CLEC10A: variants seen among roughly 807,000 people sequenced by gnomAD.
CLEC10A encodes C-type lectin domain family 10 member A.
In CLEC10A, 38 loss-of-function variants were observed where a neutral mutation model predicts 42.0. That is an observed-to-expected ratio of 0.90 (90% CI 0.70 to 1.18). The LOEUF (loss-of-function observed/expected upper bound fraction) is 1.18. CLEC10A is among the 50% of genes most tolerant of loss of function. The pLI, the probability that CLEC10A is intolerant of heterozygous loss-of-function variation, is 0.00. For synonymous variants in CLEC10A, 126 were observed against 139.9 expected, an observed-to-expected ratio of 0.90 and a Z score of 0.70; for missense variants, 298 against 345.9, an observed-to-expected ratio of 0.86 and a Z score of 1.10.
Position 7,074,958 on chromosome 17 carries a change from C to T in CLEC10A, c.*96G>A, listed in dbSNP as rs1324881161. On this transcript the variant is annotated 3_prime_UTR_variant, in exon 9 of 9. Transcript: ENST00000416562. ...TAGCAGTGCTTCCAATCTCCCAGTGCTTATTTCTCTCCCAGAGCGGTCTTG... is the reference window on the plus strand; with the variant it reads ...TAGCAGTGCTTCCAATCTCCCAGTGTTTATTTCTCTCCCAGAGCGGTCTTG... The T allele has an allele frequency of 1.0e-6, 1 of 1,000,662 alleles. No homozygotes were observed. The highest frequency in any genetic ancestry group is 1.4e-6 in the Non-Finnish European group (1 of 721,130). 62.0% of individuals were successfully genotyped at this position (1,000,662 alleles called of 1,614,324 possible).
At chr17:7,076,266 C>A in intron 5 of CLEC10A, 195 bp from the exon 6 acceptor site, 1 of 927,510 alleles carries the variant, frequency 1.1e-6, no homozygotes. Flanking sequence ...TTTCTCCAGC[C>A]TGCTCTCCAG....
chr17:7,076,112 G>A, intron 5 of CLEC10A, 41 bp from the exon 6 acceptor site: 5 of 1,614,098 alleles, frequency 3.1e-6, no homozygotes, highest in Non-Finnish European at 4.2e-6. Context: ...AGTGGCCTAG[G>A]TGTGCCTTCT....
chr17:7,075,148 T>C lies in CLEC10A; in HGVS notation c.776A>G (p.His259Arg). 2.5e-6 allele frequency: 4 copies of C among 1,608,568 alleles called. No homozygotes were observed. Among genetic ancestry groups the C allele is most frequent in the Non-Finnish European group, 3.4e-6 (4 of 1,178,382 alleles). Residue 259 changes from histidine (H) to arginine (R), a missense_variant, in exon 9 of 9, where the codon CAT becomes CGT. His to Arg is a conservative substitution (Grantham distance 29). Around this residue, in one of 3 missense-constraint regions of CLEC10A, gnomAD observed 267 missense variants for 289.5 expected, o/e 0.92. Coordinates refer to ENST00000416562, the MANE Select transcript of CLEC10A (RefSeq NM_001330070.2). Reference protein sequence around the residue: ...LGGGEDCAHFHPDGRWNDDVC... With the variant: ...LGGGEDCAHFRPDGRWNDDVC... ...GTCGTCATTCCACCTGCCGTCTGGA[T>C]GGAAGTGAGCACAGTCCTCGCCTCC... is the stretch of plus-strand genomic sequence containing the variant.
intron 3 of CLEC10A, among the ~76,000 whole-genome samples, chr17:7,077,708 CT>C (rs1163508036): frequency 6.7e-6 from 1 of 148,660 alleles, no homozygotes; most frequent in African/African-American, 2.5e-5. Flanking sequence ...CAGTGCCCCC[CT>C]ACCGTTACCA....
At chr17:7,076,316 T>C (rs1258785981) in intron 5 of CLEC10A, among the ~76,000 whole-genome samples, 4 of 146,810 alleles carry the variant, frequency 2.7e-5, no homozygotes, top group Non-Finnish European at 6.0e-5. Flanking sequence ...TCTTTTTTTT[T>C]TTTTTTTTTT....
intron 3 of CLEC10A, among the ~76,000 whole-genome samples, chr17:7,077,587 CTCCAT>C (rs1911886108): frequency 3.0e-5 from 3 of 99,930 alleles, no homozygotes; most frequent in Admixed American, 1.1e-4. Context: ...CCATCAATGA[CTCCAT>C]CAGTGACCCC....
At chr17:7,076,434 C>T (rs982749743) in intron 5 of CLEC10A, among the ~76,000 whole-genome samples, 3 of 151,562 alleles carry the variant, frequency 2.0e-5, no homozygotes, top group Non-Finnish European at 2.9e-5. Flanking sequence ...CCTCAGCCTC[C>T]CTAGTAGCTG....
chr17:7,076,610 C>T (rs1380479357), intron 5 of CLEC10A, 123 bp downstream of exon 5: 9 of 1,125,648 alleles, frequency 8.0e-6, no homozygotes, highest in African/African-American at 1.5e-5. Context: ...CTGCGCCCGG[C>T]CTGCATGCTG....
chr17:7,075,910 G>GGA (rs1911703483), intron 6 of CLEC10A, 25 bp from the exon 7 acceptor site: 1 of 1,611,270 alleles, frequency 6.2e-7, no homozygotes, highest in South Asian at 1.1e-5. Context: ...ATAGGATAGG[G>GGA]TGGAGAGGCT....
intron 1 of CLEC10A, 56 bp downstream of exon 1, chr17:7,079,996 G>T (rs11657498): frequency 0.098 from 14,942 of 152,230 alleles, 828 homozygotes; most frequent in Middle Eastern, 0.15. Context: ...CCCTCTCCCT[G>T]CTTCCTCTGA....
intron 5 of CLEC10A, 78 bp from the exon 6 acceptor site, chr17:7,076,149 A>AC (rs1221542183): frequency 6.2e-7 from 1 of 1,613,088 alleles, no homozygotes; most frequent in Admixed American, 1.7e-5. Context: ...GAGCTCAGAT[A>AC]CCCCTGCACA....
chr17:7,075,134 A>T lies in CLEC10A; in HGVS notation c.790T>A (p.Trp264Arg). 1 of 1,608,194 alleles carries T rather than the reference A, an allele frequency of 6.2e-7. No homozygotes were observed. Among genetic ancestry groups the T allele is most frequent in the East Asian group, 2.3e-5 (1 of 44,112 alleles). ...GGCCTCTGGCAGACGTCGTCATTCC[A>T]CCTGCCGTCTGGATGGAAGTGAGCA... is the stretch of plus-strand genomic sequence containing the variant. The part of the protein sequence containing the change: ...DCAHFHPDGR[W>R]NDDVCQRPYH... The change falls in exon 9 of 9, where the codon TGG becomes AGG. Residue 264 changes from tryptophan to arginine, a missense_variant. Transcript: ENST00000416562.
chr17:7,076,667 T>G (rs564455505), intron 5 of CLEC10A, 66 bp downstream of exon 5: 1 of 1,549,912 alleles, frequency 6.5e-7, no homozygotes, highest in East Asian at 2.2e-5. Flanking sequence ...GCACCAGGAG[T>G]CTGTTCCCAC....
At chr17:7,079,982 GT>G (rs945133911) in intron 1 of CLEC10A, 69 bp downstream of exon 1, 3 of 152,232 alleles carry the variant, frequency 2.0e-5, no homozygotes, top group Non-Finnish European at 4.4e-5. Context: ...AAGACCCAAA[GT>G]CCCCCTCTCC....
In CLEC10A at chr17:7,078,131, G is replaced by A. The variant is rs2151688053; in HGVS notation, c.68-18C>T. 1 of 1,580,788 alleles carries A rather than the reference G, an allele frequency of 6.3e-7. No individual in the cohort carries two copies. The highest frequency in any genetic ancestry group is 1.1e-5 in the South Asian group (1 of 90,310). ...AAGTGGCCCTGCAAGAGGAGAGAGTGTCAGGATGAGGAGGGTCCAGACACC... is the reference window on the plus strand; with the variant it reads ...AAGTGGCCCTGCAAGAGGAGAGAGTATCAGGATGAGGAGGGTCCAGACACC... On this transcript the variant is annotated intron_variant, in intron 2 of 8. Coordinates refer to ENST00000416562, the MANE Select transcript of CLEC10A (RefSeq NM_001330070.2).
intron 8 of CLEC10A, 28 bp downstream of exon 8, chr17:7,075,332 T>C: frequency 6.6e-7 from 1 of 1,508,812 alleles, no homozygotes; most frequent in African/African-American, 1.4e-5. Flanking sequence ...ACGGAGGACA[T>C]TGGCACAGAA....
chr17:7,075,279 A>C, intron 8 of CLEC10A, 57 bp from the exon 9 acceptor site: 1 of 1,506,770 alleles, frequency 6.6e-7, no homozygotes, highest in South Asian at 1.4e-5. Flanking sequence ...AATTCAGTTC[A>C]GGGGAGGAGA....
chr17:7,078,228 G>T, intron 2 of CLEC10A, 115 bp from the exon 3 acceptor site: 1 of 720,138 alleles, frequency 1.4e-6, no homozygotes, highest in African/African-American at 1.8e-5. Context: ...CTCCAGGGGA[G>T]GGTTGGACAA....
At chr17:7,078,971 C>A in intron 1 of CLEC10A, 86 bp from the exon 2 acceptor site, 1 of 698,324 alleles carries the variant, frequency 1.4e-6, no homozygotes, top group Non-Finnish European at 2.6e-6. Context: ...TGAGAATGAG[C>A]CCAGGGTTAA....
Sources: allele counts gnomAD v4.1 joint callset (sites outside exome capture counted in the v4.1 genomes callset), GRCh38; gene constraint gnomAD v4.1.1; regional missense constraint gnomAD v4.1.1; transcripts MANE v1.5; gene names NCBI Gene and HGNC (gene_info 2026-07-23, HGNC 2026-07-21).